SNX18: variants seen among roughly 807,000 people sequenced by gnomAD.
SNX18 encodes sorting nexin-18.
A neutral mutation model predicts 48.7 loss-of-function variants in SNX18; 35 were observed. The observed-to-expected ratio is 0.72, with a 90% CI of 0.55 to 0.95. SNX18 has a LOEUF of 0.95. SNX18 is among the 40% of genes least tolerant of loss of function. The pLI, the probability that SNX18 is intolerant of heterozygous loss-of-function variation, is 0.00. For synonymous variants in SNX18, 492 were observed against 384.7 expected (o/e 1.28, Z -3.26); for missense variants, 824 against 871.0 (o/e 0.95, Z 0.68).
At chr5:54,569,500 A>T in the SNX18 span, among the ~76,000 whole-genome samples, 2 of 152,196 alleles carry the variant, frequency 1.3e-5, no homozygotes, top group Non-Finnish European at 2.9e-5. Flanking sequence ...TGCCCCACGA[A>T]GTCTGTGACC....
chr5:54,547,617 A>G (rs1329099957), downstream of SNX18, among the ~76,000 whole-genome samples: 1 of 152,296 alleles, frequency 6.6e-6, no homozygotes, highest in Admixed American at 6.5e-5. Context: ...CTGTGCTGCT[A>G]TGTCTGGTCT....
At chr5:54,520,494 C>T (rs961494735) in intron 1 of SNX18, 1 of 89,900 alleles carries the variant, frequency 1.1e-5, no homozygotes, top group African/African-American at 4.2e-5. Context: ...TGTGAAAGTC[C>T]AGTGTAGGGG....
chr5:54,519,099 A>C lies in SNX18; in HGVS notation c.1147A>C (p.Ser383Arg), dbSNP rs1239084559. Residue 383 changes from serine to arginine, a missense_variant, in exon 1 of 2, where the codon AGC (serine) becomes CGC (arginine). Physicochemically the swap from Ser to Arg is moderately radical, Grantham distance 110. Coordinates refer to ENST00000381410, the MANE Select transcript of SNX18 (RefSeq NM_001102575.2). ...DVFQHFLTCP[S>R]STDEKAWKQG... is the part of the protein sequence containing the mutation. ...CTTCCAGCACTTCCTGACGTGCCCC[A>C]GCAGCACCGACGAGAAAGCCTGGAA... 1 of 1,614,056 alleles carries C rather than the reference A, an allele frequency of 6.2e-7. No individual in the cohort carries two copies. Among genetic ancestry groups the C allele is most frequent in the Admixed American group, 1.7e-5 (1 of 60,024 alleles).
At chr5:54,562,542 TCATAGC>T in the SNX18 span, among the ~76,000 whole-genome samples, 1 of 152,128 alleles carries the variant, frequency 6.6e-6, no homozygotes, top group African/African-American at 2.4e-5. Flanking sequence ...CTTAGTGACA[TCATAGC>T]CATGGTAATG....
the SNX18 span, among the ~76,000 whole-genome samples, chr5:54,630,018 T>C: frequency 2.6e-5 from 4 of 152,128 alleles, no homozygotes; most frequent in African/African-American, 9.7e-5. Context: ...GATTGCAGAG[T>C]CAGATGAGTG....
rs2111620935 is a variant in SNX18 at position 54,545,156 on chromosome 5, G to A, written c.*1724G>A. ...TACTTAGAGCCAGATTTAACATCAT[G>A]AACATTATGTGGCTTTGTCTTTACT... On this transcript the variant is annotated 3_prime_UTR_variant, in exon 2 of 2. Transcript: ENST00000381410. The A allele has an allele frequency of 6.6e-6, 1 of 152,258 alleles. No individual in the cohort carries two copies. Among genetic ancestry groups the A allele is most frequent in the East Asian group, 1.9e-4 (1 of 5,182 alleles). 9.4% of individuals were successfully genotyped at this position (152,258 alleles called of 1,614,324 possible).
At chr5:54,637,739 T>A in the SNX18 span, among the ~76,000 whole-genome samples, 1 of 152,118 alleles carries the variant, frequency 6.6e-6, no homozygotes, top group East Asian at 1.9e-4. Flanking sequence ...ATCCCCTGCA[T>A]AACAACTCCG....
At chr5:54,581,496 A>C in the SNX18 span, among the ~76,000 whole-genome samples, 1 of 152,096 alleles carries the variant, frequency 6.6e-6, no homozygotes, top group South Asian at 2.1e-4. Context: ...TTCACTTGGG[A>C]GGGAATGAGG....
At chr5:54,584,046 C>CTTTTT in the SNX18 span, among the ~76,000 whole-genome samples, 3 of 110,648 alleles carry the variant, frequency 2.7e-5, no homozygotes, top group African/African-American at 6.7e-5. Flanking sequence ...GTGTGTAGCT[C>CTTTTT]TTTTTTTTTT....
chr5:54,549,495 C>T (rs1762621481), downstream of SNX18, among the ~76,000 whole-genome samples: 2 of 152,148 alleles, frequency 1.3e-5, no homozygotes, highest in Admixed American at 6.5e-5. Context: ...GCTTCTCAGA[C>T]CCACCAGCAC....
At chr5:54,574,588 A>G in the SNX18 span, among the ~76,000 whole-genome samples, 1 of 152,202 alleles carries the variant, frequency 6.6e-6, no homozygotes, top group East Asian at 1.9e-4. Context: ...GAAAATGGTT[A>G]TTAGGGACAG....
the SNX18 span, among the ~76,000 whole-genome samples, chr5:54,576,958 C>T: frequency 6.6e-6 from 1 of 152,034 alleles, no homozygotes; most frequent in African/African-American, 2.4e-5. Context: ...CCCACCACCA[C>T]GCCCAGCTAA....
At chr5:54,633,313 A>T in the SNX18 span, among the ~76,000 whole-genome samples, 1 of 152,130 alleles carries the variant, frequency 6.6e-6, no homozygotes, top group South Asian at 2.1e-4. Flanking sequence ...GCAGGTGGTG[A>T]TGGCATCATA....
At chr5:54,549,108 G>A (rs534563623), downstream of SNX18, among the ~76,000 whole-genome samples, 9 of 152,314 alleles carry the variant, frequency 5.9e-5, no homozygotes, top group East Asian at 1.5e-3. Context: ...ATCCACAGAT[G>A]TGGAACCCAC....
chr5:54,593,085 G>A, the SNX18 span, among the ~76,000 whole-genome samples: 4 of 152,292 alleles, frequency 2.6e-5, no homozygotes, highest in African/African-American at 9.6e-5. Context: ...ACAGGCATGA[G>A]CCACTATGCC....
the SNX18 span, among the ~76,000 whole-genome samples, chr5:54,590,887 C>A: frequency 6.6e-6 from 1 of 152,164 alleles, no homozygotes; most frequent in Non-Finnish European, 1.5e-5. Flanking sequence ...CTGACGCTCG[C>A]CACTTGGTGC....
At chr5:54,540,815 C>T (rs72765748) in intron 1 of SNX18, among the ~76,000 whole-genome samples, 8,952 of 121,090 alleles carry the variant, frequency 0.074, 363 homozygotes, top group Middle Eastern at 0.13. Context: ...GCGTACTGGT[C>T]CTTAGCATTT....
At chr5:54,644,966 G>A in the SNX18 span, 4 of 152,224 alleles carry the variant, frequency 2.6e-5, no homozygotes, top group African/African-American at 9.6e-5. Context: ...TTGGGAGCTT[G>A]TTAGAAAGGC....
Position 54,530,744 on chromosome 5 carries a change from ATTTTTTTT to A in SNX18, c.1621+11190_1621+11197del, listed in dbSNP as rs70986692. On this transcript the variant is annotated intron_variant, in intron 1 of 1. Transcript: ENST00000381410. Reference sequence around the variant, plus strand: ...TGCAGACAGGAGCTGAACCACAGAAATTTTTTTTTTTTTTTTTTTTTTTTTTGAGACAG... The same window carrying A: ...TGCAGACAGGAGCTGAACCACAGAAATTTTTTTTTTTTTTTTTTGAGACAG... Among the ~76,000 whole-genome samples, 16 of 72,510 alleles carry A rather than the reference ATTTTTTTT, an allele frequency of 2.2e-4. 1 individual carries two copies. The highest frequency in any genetic ancestry group is 5.2e-4 in the East Asian group (1 of 1,928). 47.6% of individuals were successfully genotyped at this position (72,510 alleles called of 152,430 possible). A position where few individuals can be genotyped will look rare whatever the true frequency, so the allele number is the denominator to read the frequency against.
Sources: gnomAD v4.1 joint callset for allele counts (sites outside exome capture counted in the v4.1 genomes callset) on GRCh38, gnomAD v4.1.1 for gene constraint, MANE v1.5 for transcripts, NCBI Gene and HGNC (gene_info 2026-07-23, HGNC 2026-07-21) for gene names.